The following MTAP variants were observed in gnomAD, a reference collection of about 807,000 sequenced individuals.
MTAP encodes S-methyl-5'-thioadenosine phosphorylase.
A neutral mutation model predicts 33.6 loss-of-function variants in MTAP; 33 were observed. That is an observed-to-expected ratio of 0.98 (90% CI 0.74 to 1.31). MTAP has a LOEUF of 1.31. Ranked by LOEUF, MTAP falls within the 40% of genes most tolerant of loss-of-function variation. The pLI is 0.00. For synonymous variants in MTAP, 148 were observed against 125.7 expected, an observed-to-expected ratio of 1.18 and a Z score of -1.19; for missense variants, 367 against 360.0, an observed-to-expected ratio of 1.02 and a Z score of -0.16.
At chr9:21,872,879 G>A (rs950409339) in intron 1 of MTAP, among the ~76,000 whole-genome samples, 4 of 152,112 alleles carry the variant, frequency 2.6e-5, no homozygotes, top group African/African-American at 7.2e-5. Flanking sequence ...GCACTCCCTC[G>A]GGAGGGAATG....
intron 5 of MTAP, among the ~76,000 whole-genome samples, chr9:21,850,835 G>A (rs543563334): frequency 1.3e-5 from 2 of 152,174 alleles, no homozygotes; most frequent in Admixed American, 6.5e-5. Context: ...AAATGGAAAT[G>A]GTATATATAT....
intron 1 of MTAP, among the ~76,000 whole-genome samples, chr9:21,906,296 T>A (rs1282738256): frequency 6.6e-6 from 1 of 152,186 alleles, no homozygotes; most frequent in East Asian, 1.9e-4. Flanking sequence ...ATATATGTTT[T>A]TAAAATATAC....
At chr9:21,915,346 C>T (rs1818670840) in intron 1 of MTAP, among the ~76,000 whole-genome samples, 2 of 152,012 alleles carry the variant, frequency 1.3e-5, no homozygotes, top group South Asian at 2.1e-4. Context: ...CCACCTCGGC[C>T]TCCCAAAGTG....
At position 21,888,653 on chromosome 9, in the gene MTAP, CA is replaced by C. The variant is rs534283431; in HGVS notation, c.147+33784del. On this transcript the variant is annotated intron_variant, in intron 1 of 1. Coordinates refer to the MTAP transcript ENST00000577563. The stretch of plus-strand genomic sequence containing the variant: ...AAATAGCTACTCCTGCTTGTTTTGG[CA>C]TCCATTTGCATGGAATATCTTTTTC... 4.0e-3 allele frequency among the ~76,000 whole-genome samples: 606 copies of C among 152,082 alleles called. 4 individuals are homozygous for C. The highest frequency in any genetic ancestry group is 5.4e-3 in the Non-Finnish European group (367 of 67,992).
chr9:21,837,625 T>C (rs966184213), intron 4 of MTAP, among the ~76,000 whole-genome samples: 1 of 152,204 alleles, frequency 6.6e-6, no homozygotes, highest in African/African-American at 2.4e-5. Context: ...GAGCCCACAG[T>C]TGAGTTGCAC....
intron 1 of MTAP, among the ~76,000 whole-genome samples, chr9:21,885,779 G>GGTGT (rs34691018): frequency 0.11 from 16,420 of 144,270 alleles, 1,168 homozygotes; most frequent in East Asian, 0.29. Context: ...AGTATTACAT[G>GGTGT]GTGTGTGTGT....
chr9:21,822,775 G>T (rs1055360131), intron 4 of MTAP, among the ~76,000 whole-genome samples: 8 of 152,072 alleles, frequency 5.3e-5, no homozygotes, highest in African/African-American at 1.9e-4. Context: ...AAGTCTCTTT[G>T]TAGATCTCTA....
chr9:21,818,782 G>A (rs1824553673), intron 4 of MTAP, among the ~76,000 whole-genome samples: 1 of 152,140 alleles, frequency 6.6e-6, no homozygotes, highest in Admixed American at 6.5e-5. Flanking sequence ...ATCTTTAGTG[G>A]TGAGAACATT....
chr9:21,916,323 A>G (rs1431363295), intron 1 of MTAP, among the ~76,000 whole-genome samples: 1 of 152,108 alleles, frequency 6.6e-6, no homozygotes. Flanking sequence ...GAAATGAGAC[A>G]TTTTAGCTGG....
chr9:21,880,579 C>A (rs530638672), intron 1 of MTAP, among the ~76,000 whole-genome samples: 1 of 152,078 alleles, frequency 6.6e-6, no homozygotes, highest in South Asian at 2.1e-4. Context: ...CATTTATATA[C>A]AAAACTCAAC....
intron 5 of MTAP, among the ~76,000 whole-genome samples, chr9:21,845,681 T>G (rs893066076): frequency 1.3e-5 from 2 of 152,112 alleles, no homozygotes; most frequent in Non-Finnish European, 2.9e-5. Flanking sequence ...AGTATCATAT[T>G]TCTGCCAAAA....
chr9:21,879,457 A>G (rs1337067528), intron 1 of MTAP, among the ~76,000 whole-genome samples: 2 of 151,940 alleles, frequency 1.3e-5, no homozygotes, highest in Non-Finnish European at 2.9e-5. Context: ...TACATGTGAG[A>G]TGGATCTCTT....
chr9:21,894,181 CTT>C (rs1335529136), intron 1 of MTAP, among the ~76,000 whole-genome samples: 1 of 140,886 alleles, frequency 7.1e-6, no homozygotes, highest in Non-Finnish European at 1.5e-5. Flanking sequence ...GCAGAAAAGA[CTT>C]TTGATAAAAT....
rs117300281 is a variant in MTAP, at chr9:21,864,202, C to T, written c.*2188C>T. 8.1e-6 allele frequency: 8 copies of T among 985,362 alleles called. No individual in the cohort carries two copies. The East Asian group carries it at 9.1e-4, about 112-fold the overall frequency. The allele number at this position is 985,362 out of a possible 1,614,324, so 61.0% of individuals were successfully genotyped here. A position where few individuals can be genotyped will look rare whatever the true frequency, so the allele number is the denominator to read the frequency against. ...CTTCTCTAGCAACATCATTTTCAGA[C>T]TAACTAAATGAATGCAGTATACTCT... On this transcript the variant is annotated 3_prime_UTR_variant, in exon 8 of 8. Coordinates refer to ENST00000644715, the MANE Select transcript of MTAP (RefSeq NM_002451.4).
At chr9:21,901,569 C>A (rs991573546) in intron 1 of MTAP, among the ~76,000 whole-genome samples, 1 of 152,046 alleles carries the variant, frequency 6.6e-6, no homozygotes, top group African/African-American at 2.4e-5. Flanking sequence ...AACCTATAAA[C>A]GAGCTTTTAT....
intron 1 of MTAP, among the ~76,000 whole-genome samples, chr9:21,898,656 A>C (rs1160606650): frequency 6.6e-6 from 1 of 152,230 alleles, no homozygotes; most frequent in Non-Finnish European, 1.5e-5. Context: ...TGGCCATCAG[A>C]GAAATGCAAA....
chr9:21,902,333 AG>A (rs1206338487), intron 1 of MTAP, among the ~76,000 whole-genome samples: 2 of 152,170 alleles, frequency 1.3e-5, no homozygotes, highest in African/African-American at 2.4e-5. Context: ...TTTAGTTCAG[AG>A]TCTTAAGTCG....
At chr9:21,847,165 G>A (rs528536368) in intron 5 of MTAP, among the ~76,000 whole-genome samples, 1 of 152,320 alleles carries the variant, frequency 6.6e-6, no homozygotes, top group Admixed American at 6.5e-5. Context: ...ACATCAGACT[G>A]CAAGTTCTTC....
At chr9:21,938,982 C>G (rs1262656977), downstream of MTAP, among the ~76,000 whole-genome samples, 2 of 152,166 alleles carry the variant, frequency 1.3e-5, no homozygotes, top group African/African-American at 4.8e-5. Flanking sequence ...ACTGAAATCT[C>G]AACTTGAATT....
Sources: gnomAD v4.1 joint callset for allele counts (sites outside exome capture counted in the v4.1 genomes callset) on GRCh38, gnomAD v4.1.1 for gene constraint, MANE v1.5 for transcripts, NCBI Gene and HGNC (gene_info 2026-07-23, HGNC 2026-07-21) for gene names.